The following DIS3L2 variants were observed in gnomAD, a reference collection of about 807,000 sequenced individuals.
DIS3L2 encodes DIS3 like 3'-5' exoribonuclease 2.
A neutral mutation model predicts 97.5 loss-of-function variants in DIS3L2; 34 were observed. The observed-to-expected ratio is 0.35, with a 90% CI of 0.27 to 0.46. The LOEUF (loss-of-function observed/expected upper bound fraction) is 0.46, where lower values mean the gene tolerates loss of function less well. DIS3L2 is among the 20% of genes least tolerant of loss of function. The pLI, the probability that DIS3L2 is intolerant of heterozygous loss-of-function variation, is 1.00. For synonymous variants in DIS3L2, 435 were observed against 445.2 expected (o/e 0.98, Z 0.29); for missense variants, 1,038 against 1,146.0 (o/e 0.91, Z 1.36).
chr2:232,329,941 A>G lies in DIS3L2; in HGVS notation c.1868A>G (p.Glu623Gly). ...ACAAGGATGCTCAGTGACCTGGTGGAATTCTGCGACCAGATGGGGCTGCCC... is the reference window on the plus strand; with the variant it reads ...ACAAGGATGCTCAGTGACCTGGTGGGATTCTGCGACCAGATGGGGCTGCCC... ...PQTRMLSDLVEFCDQMGLPVD... is the reference protein window; with the variant it reads ...PQTRMLSDLVGFCDQMGLPVD... The change falls in exon 15 of 21, where the codon GAA (glutamate) becomes GGA (glycine). Residue 623 changes from glutamate (E) to glycine (G), a missense_variant. By Grantham distance (98) the Glu-to-Gly change is moderately conservative. Coordinates refer to ENST00000325385, the MANE Select transcript of DIS3L2 (RefSeq NM_152383.5). 1 of 1,613,056 alleles carries G rather than the reference A, an allele frequency of 6.2e-7. No individual in the cohort carries two copies. The highest frequency in any genetic ancestry group is 8.5e-7 in the Non-Finnish European group (1 of 1,179,744).
chr2:231,976,368 G>A (rs763858827), intron 1 of DIS3L2, among the ~76,000 whole-genome samples: 5 of 152,022 alleles, frequency 3.3e-5, no homozygotes, highest in African/African-American at 4.8e-5. Flanking sequence ...GGTAGCTCAC[G>A]CCTGTAATCC....
At chr2:232,115,872 G>A (rs1321370800) in intron 6 of DIS3L2, among the ~76,000 whole-genome samples, 5 of 152,028 alleles carry the variant, frequency 3.3e-5, no homozygotes, top group East Asian at 1.9e-4. Context: ...GTGTGAAAAC[G>A]GACTAATACA....
intron 5 of DIS3L2, among the ~76,000 whole-genome samples, chr2:232,046,601 A>G (rs971759536): frequency 6.6e-6 from 1 of 152,118 alleles, no homozygotes; most frequent in Non-Finnish European, 1.5e-5. Context: ...ATTATAACGA[A>G]TTCTTTGTTT....
intron 9 of DIS3L2, among the ~76,000 whole-genome samples, chr2:232,192,520 A>T (rs1691641698): frequency 6.6e-6 from 1 of 152,218 alleles, no homozygotes; most frequent in African/African-American, 2.4e-5. Flanking sequence ...TGTCTTCTTT[A>T]AGCTCCTACT....
At chr2:232,156,687 A>C (rs1281167394) in intron 8 of DIS3L2, among the ~76,000 whole-genome samples, 4 of 152,162 alleles carry the variant, frequency 2.6e-5, no homozygotes, top group South Asian at 2.1e-4. Flanking sequence ...TGTATCCTGG[A>C]GGATAGCATT....
chr2:232,155,655 C>T (rs1292539706), intron 8 of DIS3L2, among the ~76,000 whole-genome samples: 2 of 152,110 alleles, frequency 1.3e-5, no homozygotes, highest in Admixed American at 6.5e-5. Context: ...CTAGCTCCTT[C>T]CTTCAGTTAT....
rs1412189113 is a variant in DIS3L2, at chr2:232,269,703, A to G, written c.1659+6263A>G. 6.6e-6 allele frequency among the ~76,000 whole-genome samples: 1 copy of G among 152,058 alleles called. No homozygotes were observed. Among genetic ancestry groups the G allele is most frequent in the African/African-American group, 2.4e-5 (1 of 41,368 alleles). On this transcript the variant is annotated intron_variant, in intron 13 of 20. Coordinates refer to ENST00000325385, the MANE Select transcript of DIS3L2 (RefSeq NM_152383.5). The surrounding 1 kb of genome is among the most constrained non-coding windows in gnomAD (Gnocchi z 4.5). ...AGGCAAGCAGACTGCTGGTACAAGCATGGGAGGGATGAGAAATGGCAGATT... is the reference window on the plus strand; with the variant it reads ...AGGCAAGCAGACTGCTGGTACAAGCGTGGGAGGGATGAGAAATGGCAGATT...
At position 232,130,724 on chromosome 2, in the gene DIS3L2, T is replaced by C; in HGVS notation, c.702+5T>C. 6.2e-7 allele frequency: 1 copy of C among 1,613,662 alleles called. No homozygotes were observed. The highest frequency in any genetic ancestry group is 8.5e-7 in the Non-Finnish European group (1 of 1,179,792). On this transcript the variant is annotated splice_donor_5th_base_variant and intron_variant, in intron 7 of 20. Transcript: ENST00000325385. ...TCCCTGCAAAGATCAGCAAAGGTCA[T>C]TGCCTACAGATTTTCTCCACGTGTC...
chr2:232,235,931 A>G lies in DIS3L2; in HGVS notation c.1205-2602A>G, dbSNP rs77233744. ...CGTGCCTGTCAGAATGAGGCAGCTA[A>G]GCTTGGAGTCATGCTGGTTCCTCTC... is the stretch of plus-strand genomic sequence containing the variant. On this transcript the variant is annotated intron_variant, in intron 10 of 20. Transcript: ENST00000325385. Among the ~76,000 whole-genome samples the G allele has an allele frequency of 4.8e-3, 727 of 152,342 alleles. 5 individuals are homozygous for G. The highest frequency in any genetic ancestry group is 0.017 in the African/African-American group (697 of 41,574).
intron 10 of DIS3L2, among the ~76,000 whole-genome samples, chr2:232,218,772 G>A (rs374218629): frequency 1.1e-4 from 16 of 152,074 alleles, no homozygotes; most frequent in Non-Finnish European, 1.8e-4. Context: ...ACTGTCTCCC[G>A]TCCACCTTGC....
intron 3 of DIS3L2, among the ~76,000 whole-genome samples, chr2:232,018,354 C>T (rs376829848): frequency 6.6e-6 from 1 of 152,174 alleles, no homozygotes; most frequent in Admixed American, 6.5e-5. Flanking sequence ...TGGGACTCTG[C>T]AGCCAGGGCC....
At chr2:232,235,330 G>T (rs893732183) in intron 10 of DIS3L2, among the ~76,000 whole-genome samples, 2 of 152,130 alleles carry the variant, frequency 1.3e-5, no homozygotes, top group African/African-American at 2.4e-5. Context: ...GTGACTTTTG[G>T]ATTTATAGTT....
At chr2:232,216,838 C>CCCCTCCCCTG in intron 10 of DIS3L2, among the ~76,000 whole-genome samples, 1 of 145,942 alleles carries the variant, frequency 6.9e-6, no homozygotes, top group African/African-American at 2.5e-5. Flanking sequence ...CCTCTCCCCT[C>CCCCTCCCCTG]CCCTCCCCTC....
chr2:232,010,558 G>A (rs1694170522), intron 1 of DIS3L2, among the ~76,000 whole-genome samples: 1 of 150,920 alleles, frequency 6.6e-6, no homozygotes, highest in Admixed American at 6.6e-5. Context: ...TCTTTTGCTT[G>A]TTTTTCCCAT....
At chr2:232,175,592 G>A (rs559582218) in intron 9 of DIS3L2, among the ~76,000 whole-genome samples, 45 of 152,026 alleles carry the variant, frequency 3.0e-4, no homozygotes, top group African/African-American at 9.4e-4. Flanking sequence ...TTTTATTTTA[G>A]GTTCGGGGGT....
At chr2:232,210,196 G>C in intron 9 of DIS3L2, 130 bp from the exon 10 acceptor site, 1 of 651,334 alleles carries the variant, frequency 1.5e-6, no homozygotes, top group South Asian at 1.7e-5. Context: ...TCTCATTCTC[G>C]TAGAAGTTAT....
At chr2:232,338,738 C>T (rs543632907), downstream of DIS3L2, among the ~76,000 whole-genome samples, 289 of 152,340 alleles carry the variant, frequency 1.9e-3, no homozygotes, top group African/African-American at 6.4e-3. Flanking sequence ...TGACTGAATC[C>T]GGTGCCGCGC....
intron 6 of DIS3L2, among the ~76,000 whole-genome samples, chr2:232,098,457 G>A (rs1697093945): frequency 1.3e-5 from 2 of 150,872 alleles, no homozygotes; most frequent in South Asian, 4.2e-4. Flanking sequence ...GGGTTCAAAC[G>A]ATTATCCTGC....
intron 5 of DIS3L2, among the ~76,000 whole-genome samples, chr2:232,047,962 T>G (rs1695288774): frequency 6.6e-6 from 1 of 152,242 alleles, no homozygotes; most frequent in South Asian, 2.1e-4. Context: ...TTGTTATCCT[T>G]TCATCAGTTG....
Sources: allele counts gnomAD v4.1 joint callset (sites outside exome capture counted in the v4.1 genomes callset), GRCh38; gene constraint gnomAD v4.1.1; non-coding constraint Gnocchi (gnomAD v3.1); transcripts MANE v1.5; gene names NCBI Gene and HGNC (gene_info 2026-07-23, HGNC 2026-07-21).